Variants in APBA1 observed in about 807,000 individuals in gnomAD.
APBA1 encodes amyloid beta precursor protein binding family A member 1, also known as amyloid-beta A4 precursor protein-binding family A member 1.
In APBA1, 55 loss-of-function variants were observed where a neutral mutation model predicts 86.6. That is an observed-to-expected ratio of 0.64 (90% CI 0.51 to 0.80). APBA1 has a LOEUF of 0.80. Ranked by LOEUF, APBA1 falls within the 30% of genes least tolerant of loss-of-function variation. The probability of loss-of-function intolerance (pLI) is 0.00; values close to 1 mark genes in which losing one functional copy is unlikely to be tolerated. For missense variants in APBA1, 1,090 were observed against 1,183.0 expected (o/e 0.92, Z 1.15); for synonymous variants, 511 against 493.9 (o/e 1.03, Z -0.46).
At chr9:69,617,398 G>A (rs1034984652) in intron 1 of APBA1, among the ~76,000 whole-genome samples, 40 of 152,080 alleles carry the variant, frequency 2.6e-4, no homozygotes, top group African/African-American at 9.2e-4. Context: ...CTACCAACAT[G>A]GCATAGTGTA....
intron 1 of APBA1, among the ~76,000 whole-genome samples, chr9:69,552,636 T>C (rs900005475): frequency 1.3e-5 from 2 of 152,238 alleles, no homozygotes; most frequent in Admixed American, 6.5e-5. Flanking sequence ...AGACTAGAAC[T>C]TATTGTTAAA....
intron 1 of APBA1, among the ~76,000 whole-genome samples, chr9:69,529,504 C>T (rs1024092795): frequency 5.3e-5 from 8 of 151,996 alleles, no homozygotes; most frequent in African/African-American, 1.7e-4. Flanking sequence ...AATGACAAGT[C>T]GATAATCTGG....
intron 1 of APBA1, among the ~76,000 whole-genome samples, chr9:69,618,151 G>A (rs1412935659): frequency 6.6e-6 from 1 of 152,286 alleles, no homozygotes; most frequent in East Asian, 1.9e-4. Context: ...TCATTTCCGA[G>A]CTAGTCATTT....
chr9:69,504,376 G>A (rs1835921971), intron 2 of APBA1, among the ~76,000 whole-genome samples: 1 of 151,904 alleles, frequency 6.6e-6, no homozygotes. Flanking sequence ...CCTCAATTTT[G>A]CTGTCTTGAT....
chr9:69,527,558 T>C (rs1437132893), intron 1 of APBA1, among the ~76,000 whole-genome samples: 1 of 152,116 alleles, frequency 6.6e-6, no homozygotes, highest in Non-Finnish European at 1.5e-5. Context: ...CAAGGTCACT[T>C]AGAGCTGAAA....
chr9:69,663,780 G>A (rs1823796384), intron 1 of APBA1, among the ~76,000 whole-genome samples: 1 of 152,068 alleles, frequency 6.6e-6, no homozygotes, highest in Admixed American at 6.6e-5. Flanking sequence ...GATTGGTTTT[G>A]CCACCATACC....
At chr9:69,657,422 G>T (rs1156969166) in intron 1 of APBA1, among the ~76,000 whole-genome samples, 1 of 152,216 alleles carries the variant, frequency 6.6e-6, no homozygotes, top group Non-Finnish European at 1.5e-5. Flanking sequence ...CTGATGTGAT[G>T]ACATGGGAAC....
chr9:69,516,998 G>A lies in APBA1; in HGVS notation c.213C>T (p.Arg71=), dbSNP rs993296544. 2 of 1,581,270 alleles carry A rather than the reference G, an allele frequency of 1.3e-6. No homozygotes were observed. The highest frequency in any genetic ancestry group is 1.1e-5 in the South Asian group (1 of 88,140). ...TGGCTGAGCGCGCCAGGCATTCCCC[G>A]CGCTCCTCTTCCTCCTGGCCGAGCT... ...RAQLGQEEEE[R]GECLARSAST... is the part of the protein sequence containing the mutation. Residue 71 remains arginine (R), a synonymous_variant, in exon 2 of 13, where the codon CGC becomes CGT. Transcript: ENST00000265381. This position sits in a 1 kb window ranked among gnomAD's most constrained non-coding sequence, Gnocchi z 7.3.
At chr9:69,598,008 A>G (rs1465682006) in intron 1 of APBA1, among the ~76,000 whole-genome samples, 4 of 151,906 alleles carry the variant, frequency 2.6e-5, no homozygotes, top group Non-Finnish European at 5.9e-5. Context: ...GGCATTATTC[A>G]CAATAGCAAA....
intron 1 of APBA1, among the ~76,000 whole-genome samples, chr9:69,548,342 C>T (rs1000718758): frequency 2.6e-5 from 4 of 152,138 alleles, no homozygotes; most frequent in Admixed American, 1.3e-4. Context: ...AGAGCCCTGC[C>T]GACGCTTTGC....
intron 1 of APBA1, among the ~76,000 whole-genome samples, chr9:69,531,240 T>C (rs1779101749): frequency 6.6e-6 from 1 of 152,168 alleles, no homozygotes; most frequent in Admixed American, 6.5e-5. Context: ...GTTCTAGTCC[T>C]TCCTTCTAAG....
chr9:69,460,665 T>C (rs2133820229), intron 5 of APBA1: 1 of 152,222 alleles, frequency 6.6e-6, no homozygotes, highest in South Asian at 2.1e-4. Context: ...TCTTTTTTTT[T>C]TTTTTCTGGG....
At chr9:69,470,891 G>A (rs1003830799) in intron 4 of APBA1, among the ~76,000 whole-genome samples, 3 of 152,122 alleles carry the variant, frequency 2.0e-5, no homozygotes, top group South Asian at 2.1e-4. Flanking sequence ...AGAGCTTGGC[G>A]GAACTTTGGC....
intron 11 of APBA1, among the ~76,000 whole-genome samples, chr9:69,434,333 C>T (rs1834658881): frequency 6.6e-6 from 1 of 152,094 alleles, no homozygotes; most frequent in Non-Finnish European, 1.5e-5. Flanking sequence ...GCTGAAGGGA[C>T]TCTGTCCAGA....
chr9:69,583,827 A>C (rs1308901265), intron 1 of APBA1, among the ~76,000 whole-genome samples: 3 of 152,114 alleles, frequency 2.0e-5, no homozygotes, highest in African/African-American at 7.2e-5. Context: ...CAGCTGGGGA[A>C]CCCCAGGCAA....
intron 2 of APBA1, among the ~76,000 whole-genome samples, chr9:69,489,213 ACCTG>A (rs1835662077): frequency 2.0e-5 from 3 of 152,068 alleles, no homozygotes; most frequent in African/African-American, 7.2e-5. Context: ...GCATCACACT[ACCTG>A]AATTCAAACT....
intron 2 of APBA1, among the ~76,000 whole-genome samples, chr9:69,488,968 A>T (rs964004218): frequency 1.3e-5 from 2 of 152,108 alleles, no homozygotes; most frequent in African/African-American, 2.4e-5. Context: ...CCACTGCTCA[A>T]TGAAATAAAA....
chr9:69,632,595 C>T (rs1200646018), intron 1 of APBA1, among the ~76,000 whole-genome samples: 2 of 152,076 alleles, frequency 1.3e-5, no homozygotes, highest in Admixed American at 6.5e-5. Context: ...GTTCCTGGTA[C>T]AATGTAAGCT....
At chr9:69,622,552 G>C (rs968981720) in intron 1 of APBA1, among the ~76,000 whole-genome samples, 1 of 148,906 alleles carries the variant, frequency 6.7e-6, no homozygotes, top group African/African-American at 2.5e-5. Flanking sequence ...TTTATTCCAA[G>C]TGGCTTTTTA....
Sources: allele counts gnomAD v4.1 joint callset (sites outside exome capture counted in the v4.1 genomes callset), GRCh38; gene constraint gnomAD v4.1.1; non-coding constraint Gnocchi (gnomAD v3.1); transcripts MANE v1.5; gene names NCBI Gene and HGNC (gene_info 2026-07-23, HGNC 2026-07-21).